Variants in APC observed in about 807,000 individuals in gnomAD.
APC encodes APC regulator of Wnt signaling pathway.
Under a neutral mutation model 247.0 loss-of-function variants are expected in APC, and 72 were observed. The observed-to-expected ratio is 0.29, with a 90% CI of 0.24 to 0.35. APC has a LOEUF of 0.35. Among genes scored for constraint, APC ranks in the 10% least tolerant of loss-of-function variants. The pLI is 1.00. For synonymous variants in APC, 1,254 were observed against 1,162.5 expected, an observed-to-expected ratio of 1.08 and a Z score of -1.60; for missense variants, 3,400 against 3,360.7, an observed-to-expected ratio of 1.01 and a Z score of -0.29.
intron 7 of APC, among the ~76,000 whole-genome samples, chr5:112,793,218 T>C (rs1245049532): frequency 6.6e-6 from 1 of 152,178 alleles, no homozygotes; most frequent in Non-Finnish European, 1.5e-5. Flanking sequence ...CTTTCTCCTC[T>C]GAAGAGGTGG....
chr5:112,747,368 A>G (rs1454447197), intron 1 of APC, among the ~76,000 whole-genome samples: 3 of 152,236 alleles, frequency 2.0e-5, no homozygotes, highest in Non-Finnish European at 4.4e-5. Context: ...AAGTATGAGA[A>G]TTGAGCTATA....
At position 112,841,718 on chromosome 5, in the gene APC, T is replaced by C. The variant is rs730881254; in HGVS notation, c.6124T>C (p.Cys2042Arg). The change falls in exon 16 of 16, where the codon TGT becomes CGT. Residue 2042 changes from cysteine (C) to arginine (R), a missense_variant. Cys to Arg is a radical substitution (Grantham distance 180, BLOSUM62 -3). Coordinates refer to ENST00000257430, the MANE Select transcript of APC (RefSeq NM_000038.6). This position sits in a 1 kb window ranked among gnomAD's most constrained non-coding sequence, Gnocchi z 4.6. ...IDSEDDLLQE[C>R]ISSAMPKKKK... ...CTCTGAAGATGACCTGTTGCAGGAA[T>C]GTATAAGCTCCGCAATGCCAAAAAA... 4 of 1,613,864 alleles carry C rather than the reference T, an allele frequency of 2.5e-6. No individual in the cohort carries two copies. The highest frequency in any genetic ancestry group is 3.4e-6 in the Non-Finnish European group (4 of 1,179,752).
chr5:112,778,147 GTT>G (rs1757882032), intron 5 of APC: 1 of 211,630 alleles, frequency 4.7e-6, no homozygotes, highest in African/African-American at 2.3e-5. Flanking sequence ...TTTCCATTCT[GTT>G]TGTTTCCTAT....
At position 112,843,595 on chromosome 5, in the gene APC, C is replaced by T. The variant is rs1262892143; in HGVS notation, c.8001C>T (p.Asn2667=). The T allele has an allele frequency of 1.9e-6, 3 of 1,613,874 alleles. No individual in the cohort carries two copies. The highest frequency in any genetic ancestry group is 2.2e-5 in the East Asian group (1 of 44,896). ...VWVRIEDCPI[N]NPRSGRSPTG... ...TGAGAATTGAGGACTGTCCCATTAA[C>T]AATCCTAGATCTGGAAGATCTCCCA... The change falls in exon 16 of 16, where the codon AAC becomes AAT. Residue 2667 remains asparagine, a synonymous_variant. Transcript: ENST00000257430. The surrounding 1 kb of genome is among the most constrained non-coding windows in gnomAD (Gnocchi z 4.8).
At chr5:112,751,115 T>C (rs111923330) in intron 1 of APC, among the ~76,000 whole-genome samples, 131 of 152,200 alleles carry the variant, frequency 8.6e-4, no homozygotes, top group African/African-American at 2.9e-3. Flanking sequence ...TAAATAACTT[T>C]GGACTTACAG....
At chr5:112,781,577 T>C (rs1033247987) in intron 6 of APC, among the ~76,000 whole-genome samples, 42 of 152,192 alleles carry the variant, frequency 2.8e-4, no homozygotes, top group African/African-American at 9.9e-4. Flanking sequence ...GAGGAAAACA[T>C]TTAAAGATTT....
At chr5:112,782,748 G>A (rs886526445) in intron 6 of APC, among the ~76,000 whole-genome samples, 8 of 152,070 alleles carry the variant, frequency 5.3e-5, no homozygotes, top group Non-Finnish European at 8.8e-5. Flanking sequence ...GACTTAAAAC[G>A]CTAATGATAA....
rs1561546254 is a variant in APC at position 112,821,968 on chromosome 5, A to G, written c.1385A>G (p.His462Arg). Residue 462 changes from histidine to arginine, a missense_variant, in exon 11 of 16, where the codon CAT becomes CGT. Transcript: ENST00000257430. ...VLMKLSFDEE[H>R]RHAMNELGGL... is the part of the protein sequence containing the mutation. ...ATGAAACTTTCATTTGATGAAGAGC[A>G]TAGACATGCAATGAATGAACTAGGT... 1.2e-6 allele frequency: 2 copies of G among 1,612,678 alleles called. No homozygotes were observed. The highest frequency in any genetic ancestry group is 2.2e-5 in the East Asian group (1 of 44,810).
chr5:112,821,912 A>G lies in APC; in HGVS notation c.1329A>G (p.Glu443=). The change falls in exon 11 of 16, where the codon GAA becomes GAG. Residue 443 remains glutamate, a synonymous_variant. Transcript: ENST00000257430. ...QDKNPMPAPV[E]HQICPAVCVL... ...ATTTTTCAGTGCCAGCTCCTGTTGA[A>G]CATCAGATCTGTCCTGCTGTGTGTG... The G allele has an allele frequency of 6.2e-7, 1 of 1,613,162 alleles. No homozygotes were observed. The highest frequency in any genetic ancestry group is 2.2e-5 in the East Asian group (1 of 44,818).
chr5:112,750,478 C>A (rs1754224517), intron 1 of APC, among the ~76,000 whole-genome samples: 1 of 134,036 alleles, frequency 7.5e-6, no homozygotes, highest in African/African-American at 2.5e-5. Flanking sequence ...TTGGCTTTTG[C>A]CTGTTTTTTA....
intron 9 of APC, among the ~76,000 whole-genome samples, chr5:112,816,451 T>A (rs1233671086): frequency 1.3e-5 from 2 of 152,190 alleles, no homozygotes; most frequent in African/African-American, 4.8e-5. Context: ...GTATCTTTCT[T>A]AGATGTTAGC....
chr5:112,802,733 A>G (rs1187083504), intron 8 of APC, among the ~76,000 whole-genome samples: 1 of 152,132 alleles, frequency 6.6e-6, no homozygotes, highest in Non-Finnish European at 1.5e-5. Context: ...CCATAAAGAA[A>G]GGATTGATAG....
intron 8 of APC, among the ~76,000 whole-genome samples, chr5:112,811,111 A>G (rs938317214): frequency 3.3e-5 from 5 of 152,302 alleles, no homozygotes; most frequent in Admixed American, 2.6e-4. Flanking sequence ...AATGTTGAGG[A>G]TGTATGGATA....
chr5:112,778,764 T>C (rs1342432236), intron 5 of APC, among the ~76,000 whole-genome samples: 3 of 152,130 alleles, frequency 2.0e-5, no homozygotes, highest in African/African-American at 7.2e-5. Flanking sequence ...AGGATGTTCT[T>C]GATATCCTGA....
chr5:112,759,443 C>T (rs6879057), intron 2 of APC, among the ~76,000 whole-genome samples: 60,373 of 149,700 alleles, frequency 0.4, 14,453 homozygotes, highest in East Asian at 0.65. Context: ...CTGCAACCTC[C>T]GCCTCCCGGG....
rs1561581690 is a variant in APC, at chr5:112,838,662, C to T, written c.3068C>T (p.Thr1023Ile). Residue 1023 changes from threonine to isoleucine, a missense_variant, in exon 16 of 16, where the codon ACA becomes ATA. Coordinates refer to ENST00000257430, the MANE Select transcript of APC (RefSeq NM_000038.6). ...GATGATAATGATGGAGAACTAGATA[C>T]ACCAATAAATTATAGTCTTAAATAT... ...HMDDNDGELD[T>I]PINYSLKYSD... The T allele has an allele frequency of 6.2e-7, 1 of 1,613,964 alleles. No individual in the cohort carries two copies. Among genetic ancestry groups the T allele is most frequent in the African/African-American group, 1.3e-5 (1 of 74,900 alleles).
intron 1 of APC, 137 bp from the exon 2 acceptor site, chr5:112,754,736 T>A (rs1278091161): frequency 2.7e-6 from 2 of 749,606 alleles, no homozygotes; most frequent in Non-Finnish European, 4.4e-6. Context: ...AATATTGTTT[T>A]GAGACCAAAA....
chr5:112,823,504 C>T (rs189066162), intron 11 of APC: 1 of 152,306 alleles, frequency 6.6e-6, no homozygotes, highest in East Asian at 1.9e-4. Context: ...GATAATAGTA[C>T]AAGACAGCAC....
At chr5:112,716,572 A>C (rs73216229) in intron 1 of APC, among the ~76,000 whole-genome samples, 1 of 152,022 alleles carries the variant, frequency 6.6e-6, no homozygotes, top group African/African-American at 2.4e-5. Flanking sequence ...ATATTTGTTA[A>C]TCCTGCATTT....
Sources: gnomAD v4.1 joint callset for allele counts (sites outside exome capture counted in the v4.1 genomes callset) on GRCh38, gnomAD v4.1.1 for gene constraint, Gnocchi (gnomAD v3.1) non-coding constraint, MANE v1.5 for transcripts, NCBI Gene and HGNC (gene_info 2026-07-23, HGNC 2026-07-21) for gene names.